MED29: variants seen among roughly 807,000 people sequenced by gnomAD.
MED29 encodes mediator of RNA polymerase II transcription subunit 29.
In MED29, 14 loss-of-function variants were observed where a neutral mutation model predicts 22.0. The ratio of observed to expected loss-of-function variants is 0.64; its 90% CI spans 0.42 to 0.99. MED29 has a LOEUF of 0.99. Among genes scored for constraint, MED29 ranks in the 50% least tolerant of loss-of-function variants. MED29 has a pLI of 0.00. For synonymous variants in MED29, 123 were observed against 107.8 expected, an observed-to-expected ratio of 1.14 and a Z score of -0.87; for missense variants, 241 against 253.7, an observed-to-expected ratio of 0.95 and a Z score of 0.34.
rs927359635 is a variant in MED29 at position 39,397,774 on chromosome 19, A to G, written c.*75A>G. On this transcript the variant is annotated 3_prime_UTR_variant, in exon 4 of 4. Coordinates refer to ENST00000315588, the MANE Select transcript of MED29 (RefSeq NM_017592.4). The stretch of plus-strand genomic sequence containing the variant: ...AGGGAATGAAGAGCGTCCTGGGCCT[A>G]AACACAGCAGCCTCCTCTCTTCCTG... 10 of 1,541,946 alleles carry G rather than the reference A, an allele frequency of 6.5e-6. No individual in the cohort carries two copies. Among genetic ancestry groups the G allele is most frequent in the Admixed American group, 5.6e-5 (3 of 53,886 alleles).
chr19:39,391,767 T>G, intron 1 of MED29, 129 bp downstream of exon 1: 3 of 1,132,066 alleles, frequency 2.7e-6, no homozygotes, highest in Non-Finnish European at 3.7e-6. Flanking sequence ...GCCTGGCTGG[T>G]GCACGCCTGT....
At position 39,397,958 on chromosome 19, in the gene MED29, T is replaced by C; in HGVS notation, c.*259T>C. 1.7e-6 allele frequency: 1 copy of C among 579,740 alleles called. No individual in the cohort carries two copies. Among genetic ancestry groups the C allele is most frequent in the Non-Finnish European group, 3.0e-6 (1 of 334,018 alleles). The allele number at this position is 579,740 out of a possible 1,614,324, so 35.9% of individuals were successfully genotyped here. A position where few individuals can be genotyped will look rare whatever the true frequency, so the allele number is the denominator to read the frequency against. On this transcript the variant is annotated 3_prime_UTR_variant, in exon 4 of 4. Transcript: ENST00000315588. ...GATGACTTCTCTGTTCCACAGGCCCTCCCCCATTCTTGCCTGGGTGTGGAG... is the reference window on the plus strand; with the variant it reads ...GATGACTTCTCTGTTCCACAGGCCCCCCCCCATTCTTGCCTGGGTGTGGAG...
intron 3 of MED29, among the ~76,000 whole-genome samples, chr19:39,396,131 TTAGG>T (rs2078427154): frequency 1.3e-5 from 2 of 152,144 alleles, no homozygotes; most frequent in African/African-American, 4.8e-5. Flanking sequence ...CACTTACGTC[TTAGG>T]TAGTGTAAGA....
At chr19:39,395,383 A>T (rs573567216) in intron 3 of MED29, among the ~76,000 whole-genome samples, 55 of 152,210 alleles carry the variant, frequency 3.6e-4, no homozygotes, top group African/African-American at 1.3e-3. Flanking sequence ...GCTTTTTAGG[A>T]ATATACCTCT....
chr19:39,393,531 A>G (rs773395212), intron 2 of MED29, 22 bp from the exon 3 acceptor site: 88 of 1,609,450 alleles, frequency 5.5e-5, no homozygotes, highest in Non-Finnish European at 7.2e-5. Context: ...TTCTTCAGAC[A>G]TCCTTTTTTC....
chr19:39,395,613 C>T (rs1316149102), intron 3 of MED29, among the ~76,000 whole-genome samples: 3 of 152,096 alleles, frequency 2.0e-5, no homozygotes, highest in African/African-American at 7.2e-5. Flanking sequence ...AGGCCCAGGA[C>T]TCTGGTTTAT....
chr19:39,393,437 A>C, intron 2 of MED29, 116 bp from the exon 3 acceptor site: 2 of 943,764 alleles, frequency 2.1e-6, no homozygotes, highest in Non-Finnish European at 3.4e-6. Context: ...TTCAACCACT[A>C]CTTCAGATCT....
chr19:39,396,800 C>T (rs560658618), intron 3 of MED29, among the ~76,000 whole-genome samples: 6 of 151,172 alleles, frequency 4.0e-5, no homozygotes, highest in African/African-American at 9.7e-5. Flanking sequence ...TGAGGCGGGT[C>T]GGTCACCTGA....
intron 3 of MED29, among the ~76,000 whole-genome samples, chr19:39,396,498 C>A (rs767177308): frequency 6.6e-6 from 1 of 151,234 alleles, no homozygotes; most frequent in African/African-American, 2.4e-5. Context: ...GATGCCAAGG[C>A]GGGTAGATCA....
At position 39,391,552 on chromosome 19, in the gene MED29, A is replaced by G. The variant is rs1195586749; in HGVS notation, c.130A>G (p.Ser44Gly). 4 of 1,613,736 alleles carry G rather than the reference A, an allele frequency of 2.5e-6. No individual in the cohort carries two copies. In the Admixed American group the frequency reaches 6.7e-5, roughly 27 times the overall value. The change falls in exon 1 of 4, where the codon AGC becomes GGC. Residue 44 changes from serine (S) to glycine (G), a missense_variant. Coordinates refer to ENST00000315588, the MANE Select transcript of MED29 (RefSeq NM_017592.4). ...PPAQLVGPAQ[S>G]GLLQQQQQDF... The stretch of plus-strand genomic sequence containing the variant: ...AGCACAACTGGTGGGCCCTGCCCAG[A>G]GCGGCCTCCTGCAGCAACAGCAACA...
At chr19:39,391,881 C>T (rs1476388149) in intron 1 of MED29, among the ~76,000 whole-genome samples, 1 of 151,966 alleles carries the variant, frequency 6.6e-6, no homozygotes, top group Non-Finnish European at 1.5e-5. Flanking sequence ...AAAAATTAGC[C>T]GGGCATGGTG....
At chr19:39,393,727 C>A in intron 3 of MED29, 90 bp downstream of exon 3, 1 of 1,085,494 alleles carries the variant, frequency 9.2e-7, no homozygotes, top group Non-Finnish European at 1.4e-6. Flanking sequence ...TCACACTCAA[C>A]TGGGGACCTC....
chr19:39,393,487 G>T lies in MED29; in HGVS notation c.276-66G>T. The T allele has an allele frequency of 4.2e-6, 6 of 1,412,484 alleles. No homozygotes were observed. The South Asian group carries it at 6.9e-5, about 16-fold the overall frequency. 87.5% of individuals were successfully genotyped at this position (1,412,484 alleles called of 1,614,324 possible). ...TGGTTTCCTGATGGACACTTGGTTG[G>T]GTAGATACTGGTGTCCCAAAGATTA... On this transcript the variant is annotated intron_variant, in intron 2 of 3. Transcript: ENST00000315588.
At chr19:39,394,582 T>C (rs963380585) in intron 3 of MED29, among the ~76,000 whole-genome samples, 1 of 110,552 alleles carries the variant, frequency 9.0e-6, no homozygotes, top group African/African-American at 4.0e-5. Context: ...TTTTTTTTTT[T>C]GAGACAGAGT....
rs1266916028 is a variant in MED29 at position 39,398,826 on chromosome 19, A to C, written c.*1127A>C. The C allele has an allele frequency of 2.0e-4, 30 of 151,994 alleles. 1 individual carries two copies. Among genetic ancestry groups the C allele is most frequent in the Non-Finnish European group, 7.4e-5 (5 of 68,000 alleles). 9.4% of individuals were successfully genotyped at this position (151,994 alleles called of 1,614,324 possible). On this transcript the variant is annotated 3_prime_UTR_variant, in exon 4 of 4. Transcript: ENST00000315588. The stretch of plus-strand genomic sequence containing the variant: ...TCTGTGCCATGGTTCCCACATTCGC[A>C]CTCCATGGCCTCCTGTCCTGGACCC...
At position 39,391,430 on chromosome 19, in the gene MED29, C is replaced by G. The variant is rs753099886; in HGVS notation, c.8C>G (p.Ala3Gly). Reference sequence around the variant, plus strand: ...GCGGTCTACGCGAGGAAGATGGCTGCATCCCAGCAGCAAGCTTCAGCGGCT... The same window carrying G: ...GCGGTCTACGCGAGGAAGATGGCTGGATCCCAGCAGCAAGCTTCAGCGGCT... MA[A>G]SQQQASAASS... is the part of the protein sequence containing the mutation. Residue 3 changes from alanine to glycine, a missense_variant, in exon 1 of 4, where the codon GCA becomes GGA. Transcript: ENST00000315588. 6 of 1,612,490 alleles carry G rather than the reference C, an allele frequency of 3.7e-6. No individual in the cohort carries two copies. The highest frequency in any genetic ancestry group is 5.1e-6 in the Non-Finnish European group (6 of 1,178,734).
chr19:39,397,809 C>G lies in MED29; in HGVS notation c.*110C>G. 6.8e-7 allele frequency: 1 copy of G among 1,476,120 alleles called. No individual in the cohort carries two copies. The highest frequency in any genetic ancestry group is 9.0e-7 in the Non-Finnish European group (1 of 1,109,562). 91.4% of individuals were successfully genotyped at this position (1,476,120 alleles called of 1,614,324 possible). A position where few individuals can be genotyped will look rare whatever the true frequency, so the allele number is the denominator to read the frequency against. On this transcript the variant is annotated 3_prime_UTR_variant, in exon 4 of 4. Transcript: ENST00000315588. ...GCCTCCTCTCTTCCTGCCTGAGCAC[C>G]GCAGCGGGAGCCAGCAGGGGGCAGC...
At chr19:39,394,903 C>T (rs533099724) in intron 3 of MED29, among the ~76,000 whole-genome samples, 1 of 151,406 alleles carries the variant, frequency 6.6e-6, no homozygotes, top group Non-Finnish European at 1.5e-5. Context: ...CTGTGTCGCC[C>T]GGGCTGGACT....
In MED29 at chr19:39,398,096, C is replaced by CT. The variant is rs2078440388; in HGVS notation, c.*402dup. 5.0e-6 allele frequency: 2 copies of CT among 402,282 alleles called. No homozygotes were observed. Among genetic ancestry groups the CT allele is most frequent in the South Asian group, 6.3e-5 (1 of 15,798 alleles). The allele number at this position is 402,282 out of a possible 1,614,324, so 24.9% of individuals were successfully genotyped here. On this transcript the variant is annotated 3_prime_UTR_variant, in exon 4 of 4. Transcript: ENST00000315588. ...CAGTTGTGTCTCTCTCATCCTGTCTCTTTTTCCCTTGTTTCTCTGTTCCTG... is the reference window on the plus strand; with the variant it reads ...CAGTTGTGTCTCTCTCATCCTGTCTCTTTTTTCCCTTGTTTCTCTGTTCCTG...
Sources: gnomAD v4.1 joint callset for allele counts (sites outside exome capture counted in the v4.1 genomes callset) on GRCh38, gnomAD v4.1.1 for gene constraint, MANE v1.5 for transcripts, NCBI Gene and HGNC (gene_info 2026-07-23, HGNC 2026-07-21) for gene names.